The following PRSS12 variants were observed in gnomAD, a reference collection of about 807,000 sequenced individuals.
PRSS12 encodes neurotrypsin.
Under a neutral mutation model 104.4 loss-of-function variants are expected in PRSS12, and 85 were observed. That is an observed-to-expected ratio of 0.81 (90% CI 0.68 to 0.98). The LOEUF (loss-of-function observed/expected upper bound fraction) is 0.98. Among genes scored for constraint, PRSS12 ranks in the 50% least tolerant of loss-of-function variants. PRSS12 has a pLI of 0.00. For synonymous variants in PRSS12, 454 were observed against 425.2 expected (o/e 1.07, Z -0.83); for missense variants, 1,141 against 1,139.2 (o/e 1.00, Z -0.02).
chr4:118,280,568 AG>A lies in PRSS12; in HGVS notation c.*1367del, dbSNP rs1742817576. 1.3e-5 allele frequency: 2 copies of A among 152,246 alleles called. No homozygotes were observed. 9.4% of individuals were successfully genotyped at this position (152,246 alleles called of 1,614,324 possible). A position where few individuals can be genotyped will look rare whatever the true frequency, so the allele number is the denominator to read the frequency against. Reference sequence around the variant, plus strand: ...AGTCCTTTAATGACTGGCATTCAAGAGGATTACTTAAAACAATTTGTAAGTT... The same window carrying A: ...AGTCCTTTAATGACTGGCATTCAAGAGATTACTTAAAACAATTTGTAAGTT... On this transcript the variant is annotated 3_prime_UTR_variant, in exon 13 of 13. Transcript: ENST00000296498.
intron 3 of PRSS12, among the ~76,000 whole-genome samples, chr4:118,333,978 G>C (rs141049183): frequency 1.3e-3 from 200 of 152,190 alleles, no homozygotes; most frequent in Non-Finnish European, 2.6e-3. Context: ...TTGTATCCAA[G>C]TTGCATGCAA....
chr4:118,296,172 T>C (rs1302072326), intron 9 of PRSS12, among the ~76,000 whole-genome samples: 1 of 152,178 alleles, frequency 6.6e-6, no homozygotes, highest in African/African-American at 2.4e-5. Context: ...GTGTAATGTA[T>C]GGAACAAAAT....
chr4:118,323,816 T>C (rs1482642130), intron 4 of PRSS12, among the ~76,000 whole-genome samples: 1 of 151,928 alleles, frequency 6.6e-6, no homozygotes, highest in African/African-American at 2.4e-5. Context: ...TTTATATATA[T>C]ATATACACAC....
Position 118,352,875 on chromosome 4 carries a change from C to T in PRSS12, c.-155G>A. 6 of 1,425,660 alleles carry T rather than the reference C, an allele frequency of 4.2e-6. No individual in the cohort carries two copies. The highest frequency in any genetic ancestry group is 3.0e-5 in the African/African-American group (2 of 67,564). The allele number at this position is 1,425,660 out of a possible 1,614,324, so 88.3% of individuals were successfully genotyped here. On this transcript the variant is annotated 5_prime_UTR_variant, in exon 1 of 13. Coordinates refer to ENST00000296498, the MANE Select transcript of PRSS12 (RefSeq NM_003619.4). ...ACCGCCCTCGCCTCCCCAACCTTGC[C>T]TCCCGCCGCTGGTGCCCTGCCGCGC...
intron 10 of PRSS12, 128 bp from the exon 11 acceptor site, chr4:118,295,189 C>T: frequency 1.7e-6 from 2 of 1,203,376 alleles, no homozygotes; most frequent in Non-Finnish European, 2.4e-6. Flanking sequence ...GCAAAAGGGA[C>T]TCCAGGATAC....
chr4:118,316,837 A>AAAAAAAAAATATATAT (rs35698159), intron 5 of PRSS12, among the ~76,000 whole-genome samples: 3 of 99,190 alleles, frequency 3.0e-5, no homozygotes, highest in East Asian at 2.8e-4. Context: ...AAAAAAAAAA[A>AAAAAAAAAATATATAT]ATATATATAT....
At chr4:118,344,405 C>G (rs1724299604) in intron 1 of PRSS12, among the ~76,000 whole-genome samples, 1 of 150,460 alleles carries the variant, frequency 6.6e-6, no homozygotes, top group Non-Finnish European at 1.5e-5. Flanking sequence ...TTTCTTTCTT[C>G]ACTATATTCT....
rs771723271 is a variant in PRSS12 at position 118,352,290 on chromosome 4, G to C, written c.431C>G (p.Ala144Gly). 1 of 1,606,132 alleles carries C rather than the reference G, an allele frequency of 6.2e-7. No homozygotes were observed. Residue 144 changes from alanine (A) to glycine (G), a missense_variant, in exon 1 of 13, where the codon GCG (alanine) becomes GGG (glycine). Transcript: ENST00000296498. ...RHNFCRSPDG[A>G]GRPWCFYGDA... Reference sequence around the variant, plus strand: ...TCCGTAGAAACACCAGGGTCTGCCCGCGCCGTCGGGGCTCCGACAAAAGTT... The same window carrying C: ...TCCGTAGAAACACCAGGGTCTGCCCCCGCCGTCGGGGCTCCGACAAAAGTT...
intron 9 of PRSS12, 130 bp downstream of exon 9, chr4:118,298,599 CTAAG>C (rs2126028982): frequency 1.0e-6 from 1 of 982,280 alleles, no homozygotes; most frequent in South Asian, 1.4e-5. Flanking sequence ...ACTACCGGAT[CTAAG>C]TAATAGCACA....
intron 3 of PRSS12, among the ~76,000 whole-genome samples, chr4:118,335,141 T>G (rs705841): frequency 0.82 from 124,367 of 152,052 alleles, 53,704 homozygotes; most frequent in Non-Finnish European, 0.95. Context: ...TCCAGCTTGA[T>G]TCCATCATAA....
In PRSS12 at chr4:118,295,038, G is replaced by A; in HGVS notation, c.1940C>T (p.Ser647Phe). ...TCCATGGGATGACTTCAGCCGGAGG[G>A]AAACCTGCCAAGGCCAACCACCCCT... The part of the protein sequence containing the change: ...SLRGGWPWQV[S>F]LRLKSSHGDG... Residue 647 changes from serine (S) to phenylalanine (F), a missense_variant, in exon 11 of 13, where the codon TCC becomes TTC. Physicochemically the swap from Ser to Phe is radical, Grantham distance 155. Transcript: ENST00000296498. The A allele has an allele frequency of 1.9e-6, 3 of 1,614,088 alleles. No homozygotes were observed. Among genetic ancestry groups the A allele is most frequent in the Non-Finnish European group, 2.5e-6 (3 of 1,180,022 alleles).
intron 7 of PRSS12, among the ~76,000 whole-genome samples, chr4:118,311,181 T>C (rs1262172866): frequency 6.6e-6 from 1 of 152,164 alleles, no homozygotes; most frequent in Non-Finnish European, 1.5e-5. Context: ...ATTAATGTAA[T>C]ATTAAAACGA....
intron 7 of PRSS12, among the ~76,000 whole-genome samples, chr4:118,310,474 G>A (rs573409214): frequency 4.0e-4 from 61 of 152,184 alleles, no homozygotes; most frequent in Non-Finnish European, 5.6e-4. Context: ...ATTCTTGAAG[G>A]GAAACTGGAT....
intron 6 of PRSS12, among the ~76,000 whole-genome samples, chr4:118,315,937 C>A (rs1427873259): frequency 1.3e-5 from 2 of 152,070 alleles, no homozygotes; most frequent in Non-Finnish European, 2.9e-5. Flanking sequence ...TAGAGGTCAC[C>A]CCTGGCTTCA....
At chr4:118,322,364 A>G (rs1413631329) in intron 4 of PRSS12, among the ~76,000 whole-genome samples, 2 of 152,124 alleles carry the variant, frequency 1.3e-5, no homozygotes, top group Non-Finnish European at 2.9e-5. Context: ...AGGCTGATCA[A>G]TGTAGTGAAA....
chr4:118,305,551 A>G (rs1743526052), intron 8 of PRSS12, among the ~76,000 whole-genome samples: 1 of 152,118 alleles, frequency 6.6e-6, no homozygotes. Flanking sequence ...TACCACAACC[A>G]AGGTGCTAAA....
intron 1 of PRSS12, among the ~76,000 whole-genome samples, chr4:118,350,508 G>C (rs1252418133): frequency 6.6e-6 from 1 of 152,168 alleles, no homozygotes; most frequent in Non-Finnish European, 1.5e-5. Flanking sequence ...GTGGTGGTGG[G>C]AAGGGCATTT....
intron 8 of PRSS12, among the ~76,000 whole-genome samples, chr4:118,306,673 C>T (rs1743561741): frequency 6.6e-6 from 1 of 152,164 alleles, no homozygotes; most frequent in Admixed American, 6.5e-5. Context: ...TACCAGATCC[C>T]ACCTCCAATA....
At position 118,338,201 on chromosome 4, in the gene PRSS12, C is replaced by CTGA; in HGVS notation, c.613_615dup (p.Ser205dup). Reference sequence around the variant, plus strand: ...CCCAGCTGCAGCTGGTGACAAATGACTGATGCATCAGAATCATCCCAGTGG... The same window carrying CTGA: ...CCCAGCTGCAGCTGGTGACAAATGACTGATGATGCATCAGAATCATCCCAGTGG... On this transcript the variant is annotated inframe_insertion, in exon 2 of 13. Transcript: ENST00000296498. The CTGA allele has an allele frequency of 6.2e-7, 1 of 1,614,054 alleles. No homozygotes were observed. Among genetic ancestry groups the CTGA allele is most frequent in the Non-Finnish European group, 8.5e-7 (1 of 1,179,960 alleles).
Sources: allele counts gnomAD v4.1 joint callset (sites outside exome capture counted in the v4.1 genomes callset), GRCh38; gene constraint gnomAD v4.1.1; transcripts MANE v1.5; gene names NCBI Gene and HGNC (gene_info 2026-07-23, HGNC 2026-07-21).